Variants in PPFIBP1 observed in about 807,000 individuals in gnomAD.
PPFIBP1 encodes the protein PPFIB scaffold protein 1, also known as liprin-beta-1.
Under a neutral mutation model 137.8 loss-of-function variants are expected in PPFIBP1, and 112 were observed. The observed-to-expected ratio is 0.81, with a 90% CI of 0.70 to 0.95. The LOEUF is 0.95. Among genes scored for constraint, PPFIBP1 ranks in the 40% least tolerant of loss-of-function variants. The pLI is 0.00. For missense variants in PPFIBP1, 1,083 were observed against 1,196.6 expected, an observed-to-expected ratio of 0.91 and a Z score of 1.40; for synonymous variants, 378 against 417.3, an observed-to-expected ratio of 0.91 and a Z score of 1.15.
In PPFIBP1 at chr12:27,691,817, T is replaced by A; in HGVS notation, c.2754T>A (p.Tyr918Ter). The stretch of plus-strand genomic sequence containing the variant: ...AGAAACAGGAAGATGGTGAAGAATA[T>A]GTTTGTCCAATGGAATTGGGACAGG... ...RKKKQEDGEE[Y>*]VCPMELGQAS... The change falls in exon 28 of 30, where the codon TAT (tyrosine) becomes TAA (stop). Residue 918 changes from tyrosine (Y) to a stop codon, truncating the protein, a stop_gained. Coordinates refer to ENST00000228425, the MANE Select transcript of PPFIBP1 (RefSeq NM_003622.4). LOFTEE classifies it high-confidence loss of function. 2 of 1,614,050 alleles carry A rather than the reference T, an allele frequency of 1.2e-6. No homozygotes were observed. Among genetic ancestry groups the A allele is most frequent in the Admixed American group, 1.7e-5 (1 of 60,016 alleles).
chr12:27,655,470 T>C (rs2059140158), intron 8 of PPFIBP1, among the ~76,000 whole-genome samples: 3 of 152,200 alleles, frequency 2.0e-5, no homozygotes, highest in Non-Finnish European at 4.4e-5. Flanking sequence ...ATTTATAAAT[T>C]AATCTCTTAG....
At chr12:27,571,132 G>T (rs114886794) in intron 1 of PPFIBP1, among the ~76,000 whole-genome samples, 2,497 of 151,994 alleles carry the variant, frequency 0.016, 67 homozygotes, top group African/African-American at 0.057. Context: ...ATATTATGAG[G>T]GTCCTTCTGT....
chr12:27,692,695 A>G, intron 29 of PPFIBP1, 39 bp downstream of exon 29: 1 of 1,613,956 alleles, frequency 6.2e-7, no homozygotes, highest in Non-Finnish European at 8.5e-7. Context: ...TATTCTATAA[A>G]TGTCTTTTAT....
chr12:27,622,003 T>C (rs1321704751), intron 2 of PPFIBP1, among the ~76,000 whole-genome samples: 1 of 152,228 alleles, frequency 6.6e-6, no homozygotes, highest in African/African-American at 2.4e-5. Context: ...CTGATGTGAA[T>C]TTGACGCAAC....
At chr12:27,636,962 C>T (rs537856847) in intron 4 of PPFIBP1, 298 of 152,344 alleles carry the variant, frequency 2.0e-3, no homozygotes, top group African/African-American at 6.9e-3. Flanking sequence ...GCTCTTTCGC[C>T]AGATATTTGC....
chr12:27,681,402 A>G, intron 21 of PPFIBP1, 144 bp from the exon 22 acceptor site: 1 of 824,438 alleles, frequency 1.2e-6, no homozygotes, highest in Non-Finnish European at 1.9e-6. Flanking sequence ...CCTCCAATGT[A>G]TACTAAAAAT....
chr12:27,581,553 A>G (rs2051118614), intron 2 of PPFIBP1, among the ~76,000 whole-genome samples: 1 of 152,132 alleles, frequency 6.6e-6, no homozygotes, highest in Non-Finnish European at 1.5e-5. Context: ...CCCCAAAGAA[A>G]AGCATCTACT....
At chr12:27,691,479 T>C (rs1353324690) in intron 27 of PPFIBP1, among the ~76,000 whole-genome samples, 1 of 152,212 alleles carries the variant, frequency 6.6e-6, no homozygotes, top group Non-Finnish European at 1.5e-5. Flanking sequence ...ACTATTCAGC[T>C]ATTTGGCGTG....
chr12:27,685,509 C>G (rs1193961319), intron 24 of PPFIBP1, among the ~76,000 whole-genome samples: 1 of 152,038 alleles, frequency 6.6e-6, no homozygotes, highest in Non-Finnish European at 1.5e-5. Context: ...ATATTTGCCT[C>G]CCTCTCTAAG....
chr12:27,562,035 G>A (rs2049209303), intron 1 of PPFIBP1, among the ~76,000 whole-genome samples: 1 of 152,046 alleles, frequency 6.6e-6, no homozygotes, highest in Non-Finnish European at 1.5e-5. Flanking sequence ...GCAACAGAGT[G>A]GTACCCTGTC....
In PPFIBP1 at chr12:27,667,379, A is replaced by G. The variant is rs1381832717; in HGVS notation, c.1146+59A>G. On this transcript the variant is annotated intron_variant, in intron 13 of 29. Transcript: ENST00000228425. ...GAAGAGACTGTGTTACTGAAAAGTT[A>G]AAACACTGCTCATAACATGAAAAAC... 3 of 1,359,410 alleles carry G rather than the reference A, an allele frequency of 2.2e-6. No individual in the cohort carries two copies. In the South Asian group the frequency reaches 6.0e-5, roughly 27 times the overall value. The allele number at this position is 1,359,410 out of a possible 1,614,324, so 84.2% of individuals were successfully genotyped here.
chr12:27,593,638 C>T lies in PPFIBP1; in HGVS notation c.-36+15399C>T. On this transcript the variant is annotated intron_variant, in intron 2 of 29. Transcript: ENST00000228425. Reference sequence around the variant, plus strand: ...TCTAGAAATGTCTGAAACTCTTGCACAAGATTATTCAGTTTGCTGACAGAT... The same window carrying T: ...TCTAGAAATGTCTGAAACTCTTGCATAAGATTATTCAGTTTGCTGACAGAT... 6.1e-6 allele frequency: 3 copies of T among 489,194 alleles called. No individual in the cohort carries two copies. In the South Asian group the frequency reaches 6.9e-5, roughly 11 times the overall value. 30.3% of individuals were successfully genotyped at this position (489,194 alleles called of 1,614,324 possible). A position where few individuals can be genotyped will look rare whatever the true frequency, so the allele number is the denominator to read the frequency against.
intron 25 of PPFIBP1, among the ~76,000 whole-genome samples, chr12:27,687,947 G>A (rs1318586263): frequency 6.6e-6 from 1 of 152,116 alleles, no homozygotes; most frequent in Non-Finnish European, 1.5e-5. Context: ...AGCCAGGCAT[G>A]GTGGGTGCAC....
chr12:27,564,859 T>C (rs2049505788), intron 1 of PPFIBP1, among the ~76,000 whole-genome samples: 1 of 152,184 alleles, frequency 6.6e-6, no homozygotes, highest in South Asian at 2.1e-4. Context: ...TGCTGGCCAG[T>C]CACCTCACCG....
intron 2 of PPFIBP1, among the ~76,000 whole-genome samples, chr12:27,591,448 A>G (rs2052507179): frequency 6.6e-6 from 1 of 152,198 alleles, no homozygotes; most frequent in Non-Finnish European, 1.5e-5. Context: ...AGAGGGCAGA[A>G]TGGAATGGAT....
At chr12:27,677,007 T>C in intron 18 of PPFIBP1, 57 bp from the exon 19 acceptor site, 1 of 1,613,248 alleles carries the variant, frequency 6.2e-7, no homozygotes. Flanking sequence ...TTTTGTCATC[T>C]CTGTGTTCTC....
chr12:27,642,140 GT>G (rs2058156214), intron 4 of PPFIBP1, among the ~76,000 whole-genome samples: 1 of 152,178 alleles, frequency 6.6e-6, no homozygotes, highest in Non-Finnish European at 1.5e-5. Context: ...CGTTTTAGAT[GT>G]GTTTCTCCCC....
chr12:27,667,030 C>T, intron 12 of PPFIBP1, 136 bp from the exon 13 acceptor site: 1 of 874,244 alleles, frequency 1.1e-6, no homozygotes, highest in Non-Finnish European at 1.6e-6. Flanking sequence ...CAAGGGCTGC[C>T]AGGAGAAGCT....
At chr12:27,527,830 A>G (rs1943950103) in intron 1 of PPFIBP1, among the ~76,000 whole-genome samples, 1 of 152,210 alleles carries the variant, frequency 6.6e-6, no homozygotes, top group Admixed American at 6.5e-5. Context: ...AGCCATAATC[A>G]TAACTATCAT....
Sources: allele counts gnomAD v4.1 joint callset (sites outside exome capture counted in the v4.1 genomes callset), GRCh38; gene constraint gnomAD v4.1.1; transcripts MANE v1.5; gene names NCBI Gene and HGNC (gene_info 2026-07-23, HGNC 2026-07-21).